NEMP2: variants seen among roughly 807,000 people sequenced by gnomAD.
NEMP2 encodes the protein nuclear envelope integral membrane protein 2.
Under a neutral mutation model 54.2 loss-of-function variants are expected in NEMP2, and 53 were observed. That is an observed-to-expected ratio of 0.98 (90% CI 0.78 to 1.23). NEMP2 has a LOEUF of 1.23. Ranked by LOEUF, NEMP2 falls within the 50% of genes most tolerant of loss-of-function variation. The probability of loss-of-function intolerance (pLI) is 0.00; values close to 1 mark genes in which losing one functional copy is unlikely to be tolerated. For missense variants in NEMP2, 455 were observed against 511.3 expected, an observed-to-expected ratio of 0.89 and a Z score of 1.06; for synonymous variants, 197 against 190.3, an observed-to-expected ratio of 1.04 and a Z score of -0.29.
chr2:190,639,133 CTCTATA>C, the NEMP2 span, among the ~76,000 whole-genome samples: 2 of 152,148 alleles, frequency 1.3e-5, no homozygotes, highest in African/African-American at 4.8e-5. Flanking sequence ...TTCAAGCCAG[CTCTATA>C]TCTATAAATA....
chr2:190,528,063 A>G lies in NEMP2; in HGVS notation c.98-2685T>C, dbSNP rs1691004776. ...CTCCTGCATGGTGTGTCCATGCACAAGAGCCAAAAGAAGAATTCACAACCA... is the reference window on the plus strand; with the variant it reads ...CTCCTGCATGGTGTGTCCATGCACAGGAGCCAAAAGAAGAATTCACAACCA... On this transcript the variant is annotated intron_variant, in intron 1 of 8. Coordinates refer to ENST00000409150, the MANE Select transcript of NEMP2 (RefSeq NM_001142645.2). This position sits in a 1 kb window ranked among gnomAD's most constrained non-coding sequence, Gnocchi z 4.3. Among the ~76,000 whole-genome samples, 1 of 152,224 alleles carries G rather than the reference A, an allele frequency of 6.6e-6. No homozygotes were observed. Among genetic ancestry groups the G allele is most frequent in the Non-Finnish European group, 1.5e-5 (1 of 68,036 alleles).
At position 190,514,490 on chromosome 2, in the gene NEMP2, G is replaced by A; in HGVS notation, c.916C>T (p.Leu306=). The stretch of plus-strand genomic sequence containing the variant: ...CTGCATGCTCTCAGTGGGTAGTGCA[G>A]ACTCCAGGAGGACATGAGGAGGATT... ...AIILLMSSWS[L]HYPLRACSYM... The change falls in exon 7 of 9, where the codon CTG becomes TTG. Residue 306 remains leucine, a synonymous_variant. Coordinates refer to ENST00000409150, the MANE Select transcript of NEMP2 (RefSeq NM_001142645.2). This position sits in a 1 kb window ranked among gnomAD's most constrained non-coding sequence, Gnocchi z 5.7. The A allele has an allele frequency of 6.4e-7, 1 of 1,551,568 alleles. No individual in the cohort carries two copies. Among genetic ancestry groups the A allele is most frequent in the Non-Finnish European group, 8.7e-7 (1 of 1,147,004 alleles).
chr2:190,639,355 T>A, the NEMP2 span, among the ~76,000 whole-genome samples: 3 of 150,946 alleles, frequency 2.0e-5, no homozygotes, highest in Non-Finnish European at 2.9e-5. Flanking sequence ...TGACACATAC[T>A]TTTTAGCTCC....
chr2:190,509,647 A>G lies in NEMP2; in HGVS notation c.1131-335T>C, dbSNP rs1039643588. Among the ~76,000 whole-genome samples, 1 of 152,190 alleles carries G rather than the reference A, an allele frequency of 6.6e-6. No homozygotes were observed. On this transcript the variant is annotated intron_variant, in intron 8 of 8. Transcript: ENST00000409150. The surrounding 1 kb of genome is among the most constrained non-coding windows in gnomAD (Gnocchi z 6.1). Reference sequence around the variant, plus strand: ...TTTGTTTCAAATACTTCCCCCTTCCATCTTTAATTTGAGGGCACTGTTATT... The same window carrying G: ...TTTGTTTCAAATACTTCCCCCTTCCGTCTTTAATTTGAGGGCACTGTTATT...
At chr2:190,596,060 T>A in the NEMP2 span, among the ~76,000 whole-genome samples, 3 of 152,198 alleles carry the variant, frequency 2.0e-5, no homozygotes, top group African/African-American at 7.2e-5. This position sits in a 1 kb window ranked among gnomAD's most constrained non-coding sequence, Gnocchi z 5.1. Context: ...CATGGAATAC[T>A]ATGCAGCCAT....
the NEMP2 span, among the ~76,000 whole-genome samples, chr2:190,430,754 G>C: frequency 6.7e-6 from 1 of 149,886 alleles, no homozygotes; most frequent in Admixed American, 6.7e-5. Context: ...GCCAGGCAGA[G>C]GGGCTCCTCA....
chr2:190,492,065 G>A, the NEMP2 span, among the ~76,000 whole-genome samples: 1 of 152,152 alleles, frequency 6.6e-6, no homozygotes, highest in Non-Finnish European at 1.5e-5. This position sits in a 1 kb window ranked among gnomAD's most constrained non-coding sequence, Gnocchi z 5.2. Flanking sequence ...AAGAACTTCA[G>A]AGCTCAAAGA....
the NEMP2 span, among the ~76,000 whole-genome samples, chr2:190,428,818 A>G: frequency 2.6e-5 from 4 of 152,040 alleles, no homozygotes; most frequent in Non-Finnish European, 5.9e-5. Context: ...GATTACAGGC[A>G]TCTGCCACCA....
chr2:190,472,274 C>T, the NEMP2 span, among the ~76,000 whole-genome samples: 3 of 151,902 alleles, frequency 2.0e-5, no homozygotes, highest in Non-Finnish European at 4.4e-5. Flanking sequence ...AGGCTTCAGA[C>T]GATCAAACTA....
chr2:190,465,687 G>C, the NEMP2 span, among the ~76,000 whole-genome samples: 1 of 152,066 alleles, frequency 6.6e-6, no homozygotes, highest in South Asian at 2.1e-4. The surrounding 1 kb of genome is among the most constrained non-coding windows in gnomAD (Gnocchi z 4.6). Flanking sequence ...CACGGTCTGG[G>C]TGGCTTAAAA....
At chr2:190,423,912 G>GCT in the NEMP2 span, among the ~76,000 whole-genome samples, 201 of 152,144 alleles carry the variant, frequency 1.3e-3, 1 homozygote, top group South Asian at 2.1e-3. This position sits in a 1 kb window ranked among gnomAD's most constrained non-coding sequence, Gnocchi z 4.3. Context: ...CTTTTCATTT[G>GCT]TATCTATGCA....
chr2:190,477,773 G>A, the NEMP2 span, among the ~76,000 whole-genome samples: 1 of 152,352 alleles, frequency 6.6e-6, no homozygotes. Context: ...ATAGAAAAAT[G>A]TGCTAGGTAG....
chr2:190,546,627 A>G, the NEMP2 span, among the ~76,000 whole-genome samples: 5 of 152,128 alleles, frequency 3.3e-5, no homozygotes, highest in African/African-American at 1.2e-4. This position sits in a 1 kb window ranked among gnomAD's most constrained non-coding sequence, Gnocchi z 5.1. Context: ...ATGAATAATT[A>G]TTATTATTTG....
the NEMP2 span, among the ~76,000 whole-genome samples, chr2:190,604,126 A>G: frequency 1.3e-5 from 2 of 152,340 alleles, no homozygotes; most frequent in East Asian, 3.9e-4. The surrounding 1 kb of genome is among the most constrained non-coding windows in gnomAD (Gnocchi z 4.5). Flanking sequence ...GGGATGGTCT[A>G]CGTGTCCATC....
At chr2:190,543,698 G>A in the NEMP2 span, among the ~76,000 whole-genome samples, 1 of 152,112 alleles carries the variant, frequency 6.6e-6, no homozygotes, top group Admixed American at 6.5e-5. This position sits in a 1 kb window ranked among gnomAD's most constrained non-coding sequence, Gnocchi z 4.7. Context: ...CTGTATATTT[G>A]TTTTTGGGTT....
chr2:190,440,760 C>CG, the NEMP2 span, among the ~76,000 whole-genome samples: 11 of 152,114 alleles, frequency 7.2e-5, no homozygotes, highest in East Asian at 5.8e-4. Context: ...AAATATTATC[C>CG]GGGGGGGTTA....
chr2:190,429,262 C>A, the NEMP2 span, among the ~76,000 whole-genome samples: 12 of 150,998 alleles, frequency 7.9e-5, no homozygotes, highest in African/African-American at 2.9e-4. Flanking sequence ...ACATATATCA[C>A]CAAAATATCT....
At chr2:190,460,331 T>A in the NEMP2 span, among the ~76,000 whole-genome samples, 1 of 152,242 alleles carries the variant, frequency 6.6e-6, no homozygotes, top group Non-Finnish European at 1.5e-5. Flanking sequence ...GCCTCTTTTT[T>A]AAGTCCATTC....
the NEMP2 span, among the ~76,000 whole-genome samples, chr2:190,611,998 G>A: frequency 6.6e-6 from 1 of 152,054 alleles, no homozygotes. The surrounding 1 kb of genome is among the most constrained non-coding windows in gnomAD (Gnocchi z 5.4). Context: ...AAGAGTCTTA[G>A]TGGCATTTTT....
Sources: allele counts gnomAD v4.1 joint callset (sites outside exome capture counted in the v4.1 genomes callset), GRCh38; gene constraint gnomAD v4.1.1; non-coding constraint Gnocchi (gnomAD v3.1); transcripts MANE v1.5; gene names NCBI Gene and HGNC (gene_info 2026-07-23, HGNC 2026-07-21).